The following NDUFS7 variants were observed in gnomAD, a reference collection of about 807,000 sequenced individuals.
NDUFS7 encodes NADH dehydrogenase [ubiquinone] iron-sulfur protein 7, mitochondrial.
A neutral mutation model predicts 31.1 loss-of-function variants in NDUFS7; 11 were observed. That is an observed-to-expected ratio of 0.35 (90% CI 0.22 to 0.59). The LOEUF is 0.59. Ranked by LOEUF, NDUFS7 falls within the 20% of genes least tolerant of loss-of-function variation. The probability of loss-of-function intolerance (pLI) is 0.79; values close to 1 mark genes in which losing one functional copy is unlikely to be tolerated. For missense variants in NDUFS7, 263 were observed against 324.2 expected, an observed-to-expected ratio of 0.81 and a Z score of 1.45; for synonymous variants, 136 against 127.9, an observed-to-expected ratio of 1.06 and a Z score of -0.43.
At chr19:1,388,418 AGAAC>A in intron 2 of NDUFS7, 103 bp from the exon 3 acceptor site, 2 of 1,049,858 alleles carry the variant, frequency 1.9e-6, no homozygotes, top group Admixed American at 3.8e-5. Context: ...GGCAGAGGTG[AGAAC>A]AGTCTCGCAG....
chr19:1,391,251 C>A, intron 6 of NDUFS7, 86 bp downstream of exon 6: 2 of 1,493,386 alleles, frequency 1.3e-6, no homozygotes, highest in Non-Finnish European at 1.8e-6. Flanking sequence ...TCAAAAGTGT[C>A]ATCTACATTC....
rs768544624 is a variant in NDUFS7, at chr19:1,383,960, G to GGCGGGTGTGGGGCCGC, written c.16+25_16+40dup. ...GCTGTCAGGTGAGCGCGGCACCGGC[G>GGCGGGTGTGGGGCCGC]GCGGGTGTGGGGCCGCGCGGGTCTG... On this transcript the variant is annotated intron_variant, in intron 1 of 7. Coordinates refer to ENST00000233627, the MANE Select transcript of NDUFS7 (RefSeq NM_024407.5). 40 of 1,563,202 alleles carry GGCGGGTGTGGGGCCGC rather than the reference G, an allele frequency of 2.6e-5. No homozygotes were observed. Among genetic ancestry groups the GGCGGGTGTGGGGCCGC allele is most frequent in the Non-Finnish European group, 3.0e-5 (35 of 1,156,174 alleles).
chr19:1,393,379 C>G lies in NDUFS7; in HGVS notation c.544+49C>G. ...ACGAGGGAGCTGGAGACAGGGCCAG[C>G]GCCACACGGAGCCCGGCGGCCCCTG... On this transcript the variant is annotated intron_variant, in intron 7 of 7. Transcript: ENST00000233627. The surrounding 1 kb of genome is among the most constrained non-coding windows in gnomAD (Gnocchi z 7.3). The G allele has an allele frequency of 6.0e-6, 9 of 1,487,776 alleles. No individual in the cohort carries two copies. Among genetic ancestry groups the G allele is most frequent in the Non-Finnish European group, 8.2e-6 (9 of 1,096,108 alleles). 92.2% of individuals were successfully genotyped at this position (1,487,776 alleles called of 1,614,324 possible).
At position 1,393,421 on chromosome 19, in the gene NDUFS7, C is replaced by A; in HGVS notation, c.544+91C>A. 2 of 1,072,038 alleles carry A rather than the reference C, an allele frequency of 1.9e-6. No homozygotes were observed. Among genetic ancestry groups the A allele is most frequent in the Non-Finnish European group, 2.8e-6 (2 of 722,652 alleles). The allele number at this position is 1,072,038 out of a possible 1,614,324, so 66.4% of individuals were successfully genotyped here. A position where few individuals can be genotyped will look rare whatever the true frequency, so the allele number is the denominator to read the frequency against. On this transcript the variant is annotated intron_variant, in intron 7 of 7. Transcript: ENST00000233627. This position sits in a 1 kb window ranked among gnomAD's most constrained non-coding sequence, Gnocchi z 7.3. Reference sequence around the variant, plus strand: ...CGGCCCCTGTGAGGGAGTCCCACACCCCCAGCAGACGGCGGGCTCCCCCAT... The same window carrying A: ...CGGCCCCTGTGAGGGAGTCCCACACACCCAGCAGACGGCGGGCTCCCCCAT...
chr19:1,384,600 C>T (rs1439187843), intron 1 of NDUFS7, among the ~76,000 whole-genome samples: 1 of 152,216 alleles, frequency 6.6e-6, no homozygotes, highest in East Asian at 1.9e-4. Context: ...TGATTGGCGA[C>T]TTAGTAATCT....
At chr19:1,389,176 CAT>C (rs1272658468) in intron 4 of NDUFS7, 1 of 694,840 alleles carries the variant, frequency 1.4e-6, no homozygotes, top group Non-Finnish European at 2.6e-6. Context: ...CTTGCACACA[CAT>C]GCACACACAA....
chr19:1,385,800 CAA>C (rs1172891406), intron 1 of NDUFS7, among the ~76,000 whole-genome samples: 4 of 152,264 alleles, frequency 2.6e-5, no homozygotes, highest in South Asian at 2.1e-4. Context: ...GCCTGGGTGA[CAA>C]GAGCGAAACT....
chr19:1,389,880 A>T, intron 4 of NDUFS7: 1 of 226,322 alleles, frequency 4.4e-6, no homozygotes, highest in Non-Finnish European at 9.0e-6. Flanking sequence ...TTAATGCAGG[A>T]TAGTTCTTTT....
intron 4 of NDUFS7, chr19:1,389,369 G>A (rs1174910118): frequency 4.3e-6 from 2 of 467,960 alleles, no homozygotes. Flanking sequence ...ACATGCATGT[G>A]TGCCTGTTGG....
intron 7 of NDUFS7, chr19:1,394,644 TGGG>T: frequency 8.2e-7 from 1 of 1,222,026 alleles, no homozygotes; most frequent in Non-Finnish European, 1.0e-6. Context: ...CCTCCCTCCC[TGGG>T]GACCTCGCTC....
At chr19:1,389,457 C>A in intron 4 of NDUFS7, 1 of 457,860 alleles carries the variant, frequency 2.2e-6, no homozygotes, top group African/African-American at 2.0e-5. Context: ...TCCCGGAGGC[C>A]CCTGTGCTGG....
At chr19:1,389,891 C>G (rs2082542820) in intron 4 of NDUFS7, 2 of 205,902 alleles carry the variant, frequency 9.7e-6, no homozygotes, top group African/African-American at 4.8e-5. Context: ...TAGTTCTTTT[C>G]TTTTTCTTTT....
At chr19:1,394,386 C>G (rs112451281) in intron 7 of NDUFS7, 1 of 1,289,216 alleles carries the variant, frequency 7.8e-7, no homozygotes, top group Admixed American at 2.3e-5. Context: ...GGGCAAGTTG[C>G]GAGTGTGGAC....
rs1026162460 is a variant in NDUFS7, at chr19:1,391,142, G to A, written c.432G>A (p.Pro144=). ...AGGTCTACGACCAGATGCCGGAGCCGCGCTACGTGGTCTCCATGGGGAGGT... is the reference window on the plus strand; with the variant it reads ...AGGTCTACGACCAGATGCCGGAGCCACGCTACGTGGTCTCCATGGGGAGGT... ...LRKVYDQMPE[P]RYVVSMGSCA... Residue 144 remains proline (P), a synonymous_variant, in exon 6 of 8, where the codon CCG becomes CCA. Transcript: ENST00000233627. 8.7e-6 allele frequency: 14 copies of A among 1,612,584 alleles called. No individual in the cohort carries two copies. In the Admixed American group the frequency reaches 1.2e-4, roughly 13 times the overall value.
At chr19:1,391,197 G>A (rs1360755895) in intron 6 of NDUFS7, 32 bp downstream of exon 6, 1 of 1,606,442 alleles carries the variant, frequency 6.2e-7, no homozygotes, top group Non-Finnish European at 8.5e-7. Context: ...TCCAGGGACA[G>A]ACGTAGCGTG....
intron 7 of NDUFS7, chr19:1,394,493 C>G (rs1207123039): frequency 7.9e-7 from 1 of 1,268,026 alleles, no homozygotes; most frequent in African/African-American, 1.6e-5. Flanking sequence ...GACTGCGCTC[C>G]TCCCTCCTTG....
At position 1,384,299 on chromosome 19, in the gene NDUFS7, G is replaced by T. The variant is rs572983030; in HGVS notation, c.16+357G>T. 3.3e-4 allele frequency: 117 copies of T among 353,452 alleles called. 4 individuals are homozygous for T. In the South Asian group the frequency reaches 5.3e-3, roughly 16 times the overall value. 21.9% of individuals were successfully genotyped at this position (353,452 alleles called of 1,614,324 possible). A position where few individuals can be genotyped will look rare whatever the true frequency, so the allele number is the denominator to read the frequency against. On this transcript the variant is annotated intron_variant, in intron 1 of 7. Transcript: ENST00000233627. ...GGAGAGAGCGGGGCCTGCCTGACAG[G>T]CTGGGAAACTGAGGCCCATTGAGGG...
intron 1 of NDUFS7, chr19:1,387,152 A>G (rs2082512607): frequency 1.3e-5 from 2 of 155,646 alleles, no homozygotes; most frequent in African/African-American, 2.4e-5. Flanking sequence ...CGCTTAGCGG[A>G]CTGCAGATTC....
At chr19:1,390,512 A>T in intron 4 of NDUFS7, 1 of 400,610 alleles carries the variant, frequency 2.5e-6, no homozygotes, top group Non-Finnish European at 4.6e-6. Flanking sequence ...GATCTAGTTA[A>T]CGCAGAGAGT....
Sources: allele counts gnomAD v4.1 joint callset (sites outside exome capture counted in the v4.1 genomes callset), GRCh38; gene constraint gnomAD v4.1.1; non-coding constraint Gnocchi (gnomAD v3.1); transcripts MANE v1.5; gene names NCBI Gene and HGNC (gene_info 2026-07-23, HGNC 2026-07-21).